Variants in RNF180 observed in about 807,000 individuals in gnomAD.
RNF180 encodes ring finger protein 180.
In RNF180, 38 loss-of-function variants were observed where a neutral mutation model predicts 59.2. The observed-to-expected ratio is 0.64, with a 90% confidence interval of 0.50 to 0.84. The LOEUF (loss-of-function observed/expected upper bound fraction) is 0.84. Among genes scored for constraint, RNF180 ranks in the 40% least tolerant of loss-of-function variants. The probability of loss-of-function intolerance (pLI) is 0.00; values close to 1 mark genes in which losing one functional copy is unlikely to be tolerated. For missense variants in RNF180, 705 were observed against 700.9 expected (o/e 1.01, Z -0.07); for synonymous variants, 262 against 240.3 (o/e 1.09, Z -0.84).
chr5:64,167,159 T>C (rs1749690836), intron 1 of RNF180, among the ~76,000 whole-genome samples: 1 of 152,222 alleles, frequency 6.6e-6, no homozygotes, highest in South Asian at 2.1e-4. Context: ...TGGCAGAAAC[T>C]CTAAATATTT....
intron 5 of RNF180, among the ~76,000 whole-genome samples, chr5:64,265,037 T>C (rs919017556): frequency 4.6e-5 from 7 of 152,132 alleles, no homozygotes; most frequent in African/African-American, 1.7e-4. Context: ...TTTGTAAAGT[T>C]TCTGTTCATG....
At chr5:64,337,303 C>G (rs189072215) in intron 7 of RNF180, among the ~76,000 whole-genome samples, 1 of 152,106 alleles carries the variant, frequency 6.6e-6, no homozygotes. Flanking sequence ...GCCACCCTGC[C>G]AAGCCTCGCT....
At chr5:64,222,012 C>T (rs1396285782) in intron 5 of RNF180, among the ~76,000 whole-genome samples, 3 of 152,230 alleles carry the variant, frequency 2.0e-5, no homozygotes, top group African/African-American at 7.2e-5. Flanking sequence ...TTCAGAATCT[C>T]ATCTAGGATA....
chr5:64,186,348 T>A (rs1750874511), intron 1 of RNF180, among the ~76,000 whole-genome samples: 1 of 152,174 alleles, frequency 6.6e-6, no homozygotes, highest in African/African-American at 2.4e-5. Context: ...ATTAATATAT[T>A]TAACATAAGG....
At chr5:64,285,996 A>G (rs964153224) in intron 5 of RNF180, among the ~76,000 whole-genome samples, 2 of 151,590 alleles carry the variant, frequency 1.3e-5, no homozygotes, top group Non-Finnish European at 2.9e-5. Context: ...AGCGTGGGCC[A>G]CTCCCACCTG....
At chr5:64,178,202 CAAA>C (rs67465847) in intron 1 of RNF180, among the ~76,000 whole-genome samples, 6 of 86,820 alleles carry the variant, frequency 6.9e-5, no homozygotes, top group Admixed American at 1.2e-4. Context: ...GACTCCATCT[CAAA>C]AAAAAAAAAA....
chr5:64,324,364 A>G (rs1013649559), intron 5 of RNF180, among the ~76,000 whole-genome samples: 1 of 152,156 alleles, frequency 6.6e-6, no homozygotes, highest in African/African-American at 2.4e-5. Flanking sequence ...TGCACCTAAC[A>G]TGCACATCTT....
chr5:64,182,347 G>C (rs1035967624), intron 1 of RNF180, among the ~76,000 whole-genome samples: 1 of 152,146 alleles, frequency 6.6e-6, no homozygotes, highest in Non-Finnish European at 1.5e-5. Context: ...AATTGCTTTA[G>C]AGGATCTTCA....
chr5:64,352,302 T>C (rs1367608668), intron 7 of RNF180, among the ~76,000 whole-genome samples: 1 of 152,026 alleles, frequency 6.6e-6, no homozygotes, highest in African/African-American at 2.4e-5. Context: ...TTTTCTTCTT[T>C]ATTAGTCTTG....
intron 1 of RNF180, among the ~76,000 whole-genome samples, chr5:64,180,374 A>G (rs1305967471): frequency 6.6e-6 from 1 of 152,200 alleles, no homozygotes; most frequent in African/African-American, 2.4e-5. Flanking sequence ...GAAGAAGTAA[A>G]CATGCCATAC....
At chr5:64,181,525 G>C (rs1750582931) in intron 1 of RNF180, among the ~76,000 whole-genome samples, 1 of 152,172 alleles carries the variant, frequency 6.6e-6, no homozygotes, top group South Asian at 2.1e-4. Context: ...TGCCCTCTCT[G>C]AAAAATATTG....
intron 1 of RNF180, among the ~76,000 whole-genome samples, chr5:64,194,318 T>C: frequency 6.6e-6 from 1 of 152,202 alleles, no homozygotes; most frequent in East Asian, 1.9e-4. Flanking sequence ...TCCATGTCCC[T>C]ACAAAGGACA....
At position 64,201,323 on chromosome 5, in the gene RNF180, GT is replaced by G. The variant is rs1042786091; in HGVS notation, c.135+389del. 1.7e-4 allele frequency among the ~76,000 whole-genome samples: 26 copies of G among 151,846 alleles called. No homozygotes were observed. The East Asian group carries it at 1.7e-3, about 10-fold the overall frequency. The stretch of plus-strand genomic sequence containing the variant: ...TAAGAATTGGAAACTTGTTATATAG[GT>G]TTTTTTTGTATTCACTATGGGCCTA... On this transcript the variant is annotated intron_variant, in intron 2 of 7. Coordinates refer to ENST00000389100, the MANE Select transcript of RNF180 (RefSeq NM_001113561.2).
chr5:64,365,178 G>C lies in RNF180; in HGVS notation c.1580-4437G>C, dbSNP rs1746400327. On this transcript the variant is annotated intron_variant, in intron 7 of 7. Coordinates refer to ENST00000389100, the MANE Select transcript of RNF180 (RefSeq NM_001113561.2). ...TCAGATCTTTCTAACTTTTTGATGT[G>C]GGTGTTTAGTGCTGTAAGTTTCCCT... Among the ~76,000 whole-genome samples, 3 of 151,260 alleles carry C rather than the reference G, an allele frequency of 2.0e-5. No individual in the cohort carries two copies. The Admixed American group carries it at 2.0e-4, about 10-fold the overall frequency.
At chr5:64,195,273 T>C (rs2962997) in intron 1 of RNF180, among the ~76,000 whole-genome samples, 66,352 of 152,006 alleles carry the variant, frequency 0.44, 15,563 homozygotes, top group African/African-American at 0.61. Flanking sequence ...CATGTAAGTC[T>C]AAAAGTTGAA....
upstream of RNF180, among the ~76,000 whole-genome samples, chr5:64,165,613 A>AT (rs1248004466): frequency 6.6e-6 from 1 of 152,068 alleles, no homozygotes; most frequent in Non-Finnish European, 1.5e-5. Flanking sequence ...AGGGAGAAAA[A>AT]CTTTCCCACG....
chr5:64,322,584 T>TAA lies in RNF180; in HGVS notation c.1228-2601_1228-2600dup, dbSNP rs1554043393. On this transcript the variant is annotated intron_variant, in intron 5 of 7. Coordinates refer to ENST00000389100, the MANE Select transcript of RNF180 (RefSeq NM_001113561.2). ...ATATGTATACACGTATATATATATA[T>TAA]AACGGAATATATATATACGTGTGTG... Among the ~76,000 whole-genome samples, 5 of 148,590 alleles carry TAA rather than the reference T, an allele frequency of 3.4e-5. No homozygotes were observed. The East Asian group carries it at 5.9e-4, about 18-fold the overall frequency.
intron 7 of RNF180, among the ~76,000 whole-genome samples, chr5:64,346,059 G>C (rs550940016): frequency 6.6e-6 from 1 of 152,012 alleles, no homozygotes; most frequent in South Asian, 2.1e-4. Flanking sequence ...CATTTAGTTT[G>C]ATGATACTAA....
chr5:64,350,795 G>C (rs1438929197), intron 7 of RNF180, among the ~76,000 whole-genome samples: 1 of 151,984 alleles, frequency 6.6e-6, no homozygotes. Flanking sequence ...AGTACCATGC[G>C]GTTTTGATTA....
Sources: gnomAD v4.1 joint callset for allele counts (sites outside exome capture counted in the v4.1 genomes callset) on GRCh38, gnomAD v4.1.1 for gene constraint, MANE v1.5 for transcripts, NCBI Gene and HGNC (gene_info 2026-07-23, HGNC 2026-07-21) for gene names.